The following P4HTM variants were observed in gnomAD, a reference collection of about 807,000 sequenced individuals.
P4HTM encodes transmembrane prolyl 4-hydroxylase.
In P4HTM, 33 loss-of-function variants were observed where a neutral mutation model predicts 55.3. The observed-to-expected ratio is 0.60, with a 90% CI of 0.45 to 0.80. The LOEUF is 0.80. P4HTM is among the 30% of genes least tolerant of loss of function. The pLI, the probability that P4HTM is intolerant of heterozygous loss-of-function variation, is 0.00. For missense variants in P4HTM, 542 were observed against 696.5 expected (o/e 0.78, Z 2.50); for synonymous variants, 272 against 286.4 (o/e 0.95, Z 0.51).
intron 2 of P4HTM, among the ~76,000 whole-genome samples, chr3:49,000,510 G>A (rs1225029713): frequency 6.6e-6 from 1 of 152,204 alleles, no homozygotes; most frequent in East Asian, 1.9e-4. Context: ...CACTCCGCAG[G>A]TAGCAGTGCT....
rs1394007020 is a variant in P4HTM, at chr3:49,006,843, G to T, written c.1445G>T (p.Gly482Val). 1 of 1,613,242 alleles carries T rather than the reference G, an allele frequency of 6.2e-7. No individual in the cohort carries two copies. ...QEMARLAREG[G>V]TDSQPEWALD... is the part of the protein sequence containing the mutation. ...ATGGCCCGCCTTGCCCGAGAAGGGG[G>T]CACCGACTCACAGCCCGAGTGGGCT... is the stretch of plus-strand genomic sequence containing the variant. Residue 482 changes from glycine to valine, a missense_variant, in exon 9 of 9, where the codon GGC (glycine) becomes GTC (valine). Gly to Val is a moderately radical substitution (Grantham distance 109, BLOSUM62 -3). This residue lies in a region of P4HTM where 536 missense variants were observed against 672.1 expected (regional missense o/e 0.80). Coordinates refer to ENST00000383729, the MANE Select transcript of P4HTM (RefSeq NM_177939.3).
At position 49,006,913 on chromosome 3, in the gene P4HTM, G is replaced by A. The variant is rs763861341; in HGVS notation, c.*6G>A. On this transcript the variant is annotated 3_prime_UTR_variant, in exon 9 of 9. Coordinates refer to ENST00000383729, the MANE Select transcript of P4HTM (RefSeq NM_177939.3). ...ATGCGCGCGTGGAACTCTGAGGGAA[G>A]AGTTAGCCCCGGTTCCCAGCCGCGG... is the stretch of plus-strand genomic sequence containing the variant. 2 of 1,606,836 alleles carry A rather than the reference G, an allele frequency of 1.2e-6. No individual in the cohort carries two copies. The highest frequency in any genetic ancestry group is 2.7e-5 in the African/African-American group (2 of 74,806).
In P4HTM at chr3:49,005,047, G is replaced by GT. The variant is rs759408730; in HGVS notation, c.1073+1_1073+2insT. The GT allele has an allele frequency of 3.7e-6, 6 of 1,614,006 alleles. No homozygotes were observed. The South Asian group carries it at 6.6e-5, about 18-fold the overall frequency. On this transcript the variant is annotated splice_donor_variant, in intron 6 of 8. Transcript: ENST00000383729. LOFTEE classifies it high-confidence loss of function. Reference sequence around the variant, plus strand: ...CTGTACCCTTCGAGACCTCCTGCCGGCAAGTATCTCCCAACTGGGGGCTGC... The same window carrying GT: ...CTGTACCCTTCGAGACCTCCTGCCGGTCAAGTATCTCCCAACTGGGGGCTGC...
Position 49,002,485 on chromosome 3 carries a change from C to A in P4HTM, c.628-15C>A. On this transcript the variant is annotated splice_polypyrimidine_tract_variant and intron_variant, in intron 3 of 8. Transcript: ENST00000383729. This position sits in a 1 kb window ranked among gnomAD's most constrained non-coding sequence, Gnocchi z 4.4. ...TCACTGGGGTCACCCACTGAGGGAC[C>A]CTCTTATGCTTTAGGTTCTGGCCCA... is the stretch of plus-strand genomic sequence containing the variant. 6.3e-7 allele frequency: 1 copy of A among 1,598,084 alleles called. No homozygotes were observed. The highest frequency in any genetic ancestry group is 2.2e-5 in the East Asian group (1 of 44,798).
intron 5 of P4HTM, chr3:49,004,629 A>G: frequency 1.7e-6 from 1 of 582,668 alleles, no homozygotes; most frequent in Non-Finnish European, 3.0e-6. Context: ...ATTTAGTGGA[A>G]ATGTCAACAT....
intron 4 of P4HTM, 97 bp from the exon 5 acceptor site, chr3:49,004,001 G>T: frequency 5.7e-6 from 7 of 1,233,892 alleles, no homozygotes; most frequent in Non-Finnish European, 6.8e-6. Flanking sequence ...GAGGTCAGGG[G>T]CTGCTGCTGC....
intron 2 of P4HTM, among the ~76,000 whole-genome samples, chr3:48,993,300 T>TA (rs2092936242): frequency 1.6e-5 from 1 of 63,166 alleles, no homozygotes; most frequent in Admixed American, 2.0e-4. Context: ...AAACTCCATC[T>TA]CAAAAAAAAA....
At position 49,002,486 on chromosome 3, in the gene P4HTM, C is replaced by T. The variant is rs774149844; in HGVS notation, c.628-14C>T. 1.4e-5 allele frequency: 23 copies of T among 1,603,106 alleles called. No individual in the cohort carries two copies. The highest frequency in any genetic ancestry group is 5.0e-5 in the Admixed American group (3 of 60,008). On this transcript the variant is annotated splice_polypyrimidine_tract_variant and intron_variant, in intron 3 of 8. Transcript: ENST00000383729. This position sits in a 1 kb window ranked among gnomAD's most constrained non-coding sequence, Gnocchi z 4.4. ...CACTGGGGTCACCCACTGAGGGACC[C>T]TCTTATGCTTTAGGTTCTGGCCCAG...
chr3:49,005,569 CA>C, intron 6 of P4HTM: 1 of 1,381,686 alleles, frequency 7.2e-7, no homozygotes. Context: ...TGATCTTGGC[CA>C]AAAAACCATT....
In P4HTM at chr3:49,006,710, T is replaced by G; in HGVS notation, c.1312T>G (p.Tyr438Asp). ...GQGWVGDVDD[Y>D]SLHGGCLVTR... is the part of the protein sequence containing the mutation. Reference sequence around the variant, plus strand: ...AGGTTGGGTGGGTGACGTAGACGACTACTCGCTGCACGGGGGCTGCCTGGT... The same window carrying G: ...AGGTTGGGTGGGTGACGTAGACGACGACTCGCTGCACGGGGGCTGCCTGGT... The change falls in exon 9 of 9, where the codon TAC (tyrosine) becomes GAC (aspartate). Residue 438 changes from tyrosine (Y) to aspartate (D), a missense_variant. Tyr to Asp is a radical substitution (Grantham distance 160). This residue lies in a region of P4HTM where 536 missense variants were observed against 672.1 expected (regional missense o/e 0.80). Coordinates refer to ENST00000383729, the MANE Select transcript of P4HTM (RefSeq NM_177939.3). 1 of 1,613,676 alleles carries G rather than the reference T, an allele frequency of 6.2e-7. No homozygotes were observed. Among genetic ancestry groups the G allele is most frequent in the Non-Finnish European group, 8.5e-7 (1 of 1,180,032 alleles).
Position 49,002,566 on chromosome 3 carries a change from G to A in P4HTM, c.694G>A (p.Ala232Thr), listed in dbSNP as rs1203195355. 5 of 1,613,776 alleles carry A rather than the reference G, an allele frequency of 3.1e-6. No homozygotes were observed. The highest frequency in any genetic ancestry group is 3.3e-5 in the Admixed American group (2 of 60,008). Residue 232 changes from alanine to threonine, a missense_variant, in exon 4 of 9, where the codon GCC becomes ACC. Coordinates refer to ENST00000383729, the MANE Select transcript of P4HTM (RefSeq NM_177939.3). The surrounding 1 kb of genome is among the most constrained non-coding windows in gnomAD (Gnocchi z 4.4). ...MTPESIQEMY[A>T]AIKADPDGDG... is the part of the protein sequence containing the mutation. ...TCCAGAGAGCATTCAGGAGATGTAC[G>A]CCGCGATCAAGGCTGACCCTGATGG...
intron 2 of P4HTM, among the ~76,000 whole-genome samples, chr3:48,996,616 T>A (rs2092946579): frequency 6.6e-6 from 1 of 152,178 alleles, no homozygotes; most frequent in African/African-American, 2.4e-5. Flanking sequence ...TGCCTCAGCC[T>A]CCCGAAGTGC....
At chr3:48,993,248 G>A (rs1325205072) in intron 2 of P4HTM, among the ~76,000 whole-genome samples, 1 of 149,684 alleles carries the variant, frequency 6.7e-6, no homozygotes, top group African/African-American at 2.5e-5. Flanking sequence ...GTTGTGGTGA[G>A]CCAAGATTGT....
Position 48,999,494 on chromosome 3 carries a change from C to G in P4HTM, c.437-1944C>G, listed in dbSNP as rs2092955431. 1 of 167,730 alleles carries G rather than the reference C, an allele frequency of 6.0e-6. No homozygotes were observed. 10.4% of individuals were successfully genotyped at this position (167,730 alleles called of 1,614,324 possible). On this transcript the variant is annotated intron_variant, in intron 2 of 8. Transcript: ENST00000383729. The surrounding 1 kb of genome is among the most constrained non-coding windows in gnomAD (Gnocchi z 4.8). The stretch of plus-strand genomic sequence containing the variant: ...ACCCTGCTGTCATCCCACAGCATCA[C>G]CAGTGTCACCAGCAGCCACAGCCCC...
At position 49,005,009 on chromosome 3, in the gene P4HTM, G is replaced by T; in HGVS notation, c.1036G>T (p.Val346Leu). 6.2e-7 allele frequency: 1 copy of T among 1,614,112 alleles called. No homozygotes were observed. Residue 346 changes from valine to leucine, a missense_variant, in exon 6 of 9, where the codon GTA becomes TTA. Val to Leu is a conservative substitution (Grantham distance 32). This residue lies in a region of P4HTM where 536 missense variants were observed against 672.1 expected (regional missense o/e 0.80). Coordinates refer to ENST00000383729, the MANE Select transcript of P4HTM (RefSeq NM_177939.3). Reference protein sequence around the residue: ...PETICSHTKLVANESVPFETS... With the variant: ...PETICSHTKLLANESVPFETS... ...GACCATCTGCTCCCATACCAAGCTGGTAGCCAACGAGTCTGTACCCTTCGA... is the reference window on the plus strand; with the variant it reads ...GACCATCTGCTCCCATACCAAGCTGTTAGCCAACGAGTCTGTACCCTTCGA...
At chr3:49,001,377 G>A (rs1382382943) in intron 2 of P4HTM, 61 bp from the exon 3 acceptor site, 3 of 1,516,104 alleles carry the variant, frequency 2.0e-6, no homozygotes, top group South Asian at 2.3e-5. Context: ...AGGGAGGAAG[G>A]TACTGGGTGC....
intron 2 of P4HTM, among the ~76,000 whole-genome samples, chr3:48,995,773 G>A (rs2106650097): frequency 6.6e-6 from 1 of 152,104 alleles, no homozygotes; most frequent in African/African-American, 2.4e-5. Flanking sequence ...TTTACCAGAG[G>A]CAGCGTTTCA....
intron 5 of P4HTM, 80 bp from the exon 6 acceptor site, chr3:49,004,781 G>C (rs1273247030): frequency 6.9e-7 from 1 of 1,455,484 alleles, no homozygotes; most frequent in African/African-American, 1.4e-5. Context: ...CTTGTGGCAG[G>C]CCTAGGGTCC....
At chr3:48,998,950 T>C (rs1254014871) in intron 2 of P4HTM, among the ~76,000 whole-genome samples, 1 of 152,086 alleles carries the variant, frequency 6.6e-6, no homozygotes, top group Non-Finnish European at 1.5e-5. Flanking sequence ...CCACGCCTCA[T>C]TGGAGAGGAG....
Sources: allele counts gnomAD v4.1 joint callset (sites outside exome capture counted in the v4.1 genomes callset), GRCh38; gene constraint gnomAD v4.1.1; regional missense constraint gnomAD v4.1.1; non-coding constraint Gnocchi (gnomAD v3.1); transcripts MANE v1.5; gene names NCBI Gene and HGNC (gene_info 2026-07-23, HGNC 2026-07-21).